ZNF786: variants seen among roughly 807,000 people sequenced by gnomAD.
ZNF786 encodes the protein zinc finger protein 786.
Under a neutral mutation model 63.1 loss-of-function variants are expected in ZNF786, and 56 were observed. The observed-to-expected ratio is 0.89, with a 90% CI of 0.72 to 1.11. The LOEUF is 1.11. ZNF786 is among the 50% of genes least tolerant of loss of function. The probability of loss-of-function intolerance (pLI) is 0.00; values close to 1 mark genes in which losing one functional copy is unlikely to be tolerated. For missense variants in ZNF786, 1,213 were observed against 1,041.8 expected, an observed-to-expected ratio of 1.16 and a Z score of -2.26; for synonymous variants, 485 against 406.9, an observed-to-expected ratio of 1.19 and a Z score of -2.31.
chr7:149,077,602 T>A (rs1264393883), intron 2 of ZNF786, among the ~76,000 whole-genome samples: 4 of 152,062 alleles, frequency 2.6e-5, no homozygotes, highest in African/African-American at 9.7e-5. Flanking sequence ...CACTCCAGCC[T>A]GGGCGACAGA....
At chr7:149,083,715 A>G (rs1031363381) in intron 1 of ZNF786, among the ~76,000 whole-genome samples, 2 of 152,196 alleles carry the variant, frequency 1.3e-5, no homozygotes, top group Admixed American at 1.3e-4. Flanking sequence ...AGTAGGCCCC[A>G]ATGTCTGTTA....
chr7:149,087,656 G>A (rs1825759274), intron 1 of ZNF786, among the ~76,000 whole-genome samples: 2 of 152,142 alleles, frequency 1.3e-5, no homozygotes, highest in Non-Finnish European at 1.5e-5. Flanking sequence ...CCTGTGTTAT[G>A]AGCCCTACCC....
At chr7:149,073,562 G>C (rs1208719457) in intron 3 of ZNF786, among the ~76,000 whole-genome samples, 5 of 151,560 alleles carry the variant, frequency 3.3e-5, no homozygotes, top group African/African-American at 1.2e-4. Flanking sequence ...AAGATCCTGT[G>C]TCTTAAAAAC....
At position 149,070,453 on chromosome 7, in the gene ZNF786, C is replaced by T. The variant is rs763684067; in HGVS notation, c.2319G>A (p.Leu773=). The T allele has an allele frequency of 9.9e-6, 16 of 1,613,890 alleles. No individual in the cohort carries two copies. The highest frequency in any genetic ancestry group is 1.2e-5 in the Non-Finnish European group (14 of 1,179,780). ...TCCAATCGGCCTCTATCATTGCAAA[C>T]AGTTGGCTGAGCCTTTTCTTAATGT... The part of the protein sequence containing the change: ...ELDIKKRLSQ[L]FAMIEADWS The change falls in exon 4 of 4, where the codon CTG becomes CTA. Residue 773 remains leucine, a synonymous_variant. Transcript: ENST00000491431.
rs760364447 is a variant in ZNF786 at position 149,071,830 on chromosome 7, G to A, written c.942C>T (p.Arg314=). 2 of 1,591,826 alleles carry A rather than the reference G, an allele frequency of 1.3e-6. No homozygotes were observed. The highest frequency in any genetic ancestry group is 2.2e-5 in the South Asian group (2 of 90,356). ...GCCCCTCCCGGCTGTGCTGGCACCG[G>A]CGAGCCTGCGTGCTGTCCACTGGGA... is the stretch of plus-strand genomic sequence containing the variant. The part of the protein sequence containing the change: ...RSLPVDSTQA[R]RCQHSREGPA... The change falls in exon 4 of 4, where the codon CGC becomes CGT. Residue 314 remains arginine, a synonymous_variant. Transcript: ENST00000491431.
chr7:149,076,701 A>G (rs1197497206), intron 2 of ZNF786, among the ~76,000 whole-genome samples: 1 of 141,516 alleles, frequency 7.1e-6, no homozygotes, highest in Non-Finnish European at 1.5e-5. Flanking sequence ...CCTGGGCAAG[A>G]GAGAGAGACT....
At chr7:149,089,829 T>G (rs1234732173) in intron 1 of ZNF786, among the ~76,000 whole-genome samples, 1 of 152,084 alleles carries the variant, frequency 6.6e-6, no homozygotes, top group Non-Finnish European at 1.5e-5. Context: ...TTCTCCTGCC[T>G]GAGCCTCCCG....
intron 2 of ZNF786, 88 bp from the exon 3 acceptor site, chr7:149,074,626 C>T: frequency 8.2e-7 from 1 of 1,216,218 alleles, no homozygotes; most frequent in Non-Finnish European, 1.1e-6. Flanking sequence ...ACTCCTGGGA[C>T]AAAGTATGAG....
In ZNF786 at chr7:149,074,540, T is replaced by G. The variant is rs577381183; in HGVS notation, c.146-2A>C. ...GTTCTGGTTTTGGAAGTCCATCATC[T>G]GCACAGAGAAGTCAGACAGGGTAGT... On this transcript the variant is annotated splice_acceptor_variant, in intron 2 of 3. Transcript: ENST00000491431. LOFTEE classifies it high-confidence loss of function. 5.0e-6 allele frequency: 8 copies of G among 1,612,552 alleles called. No homozygotes were observed. The African/African-American group carries it at 1.1e-4, about 22-fold the overall frequency.
rs943914973 is a variant in ZNF786 at position 149,072,037 on chromosome 7, G to T, written c.735C>A (p.Cys245Ter). 1.9e-6 allele frequency: 3 copies of T among 1,612,820 alleles called. No individual in the cohort carries two copies. Among genetic ancestry groups the T allele is most frequent in the East Asian group, 2.2e-5 (1 of 44,874 alleles). The change falls in exon 4 of 4, where the codon TGC (cysteine) becomes TGA (stop). Residue 245 changes from cysteine to a stop codon, truncating the protein, a stop_gained. Transcript: ENST00000491431. LOFTEE classifies it high-confidence loss of function. ...RVQRHFRCGV[C>*]GKSFRRKLCL... is the part of the protein sequence containing the mutation. ...ACAGCTTCCGGCGGAAGCTCTTACC[G>T]CACACGCCACACCGGAAGTGCCTCT...
intron 1 of ZNF786, 24 bp downstream of exon 1, chr7:149,090,599 G>C: frequency 1.3e-6 from 2 of 1,568,468 alleles, no homozygotes; most frequent in African/African-American, 2.7e-5. Flanking sequence ...GAAACCGGGC[G>C]TCCAAACAGG....
intron 1 of ZNF786, among the ~76,000 whole-genome samples, chr7:149,087,515 A>C (rs922255647): frequency 1.3e-5 from 2 of 152,230 alleles, no homozygotes; most frequent in Non-Finnish European, 2.9e-5. Context: ...CCTGCAAAAC[A>C]GAAAATTATC....
At chr7:149,081,119 G>A (rs950480169) in intron 1 of ZNF786, 2 of 456,944 alleles carry the variant, frequency 4.4e-6, no homozygotes, top group Non-Finnish European at 8.8e-6. Flanking sequence ...CCACTGATGG[G>A]ACATATAGTT....
Position 149,090,702 on chromosome 7 carries a change from C to G in ZNF786, c.-62G>C. On this transcript the variant is annotated 5_prime_UTR_variant, in exon 1 of 4. Coordinates refer to ENST00000491431, the MANE Select transcript of ZNF786 (RefSeq NM_152411.4). ...CCGTCTCCGGCGGCTCCGCAGGAAC[C>G]TGCCCTGCTGCGCACTGACTCCCCT... The G allele has an allele frequency of 2.0e-6, 3 of 1,531,388 alleles. No individual in the cohort carries two copies. Among genetic ancestry groups the G allele is most frequent in the South Asian group, 1.2e-5 (1 of 82,264 alleles). The allele number at this position is 1,531,388 out of a possible 1,614,324, so 94.9% of individuals were successfully genotyped here.
Position 149,072,005 on chromosome 7 carries a change from A to C in ZNF786, c.767T>G (p.Leu256Arg). The C allele has an allele frequency of 6.2e-7, 1 of 1,612,958 alleles. No homozygotes were observed. The highest frequency in any genetic ancestry group is 8.5e-7 in the Non-Finnish European group (1 of 1,179,840). Residue 256 changes from leucine to arginine, a missense_variant, in exon 4 of 4, where the codon CTG (leucine) becomes CGG (arginine). Physicochemically the swap from Leu to Arg is moderately radical, Grantham distance 102 (BLOSUM62 -2). Transcript: ENST00000491431. Reference sequence around the variant, plus strand: ...CCCCGTGTGGGCCGCCAGATGGCGCAGCAGACACAGCTTCCGGCGGAAGCT... The same window carrying C: ...CCCCGTGTGGGCCGCCAGATGGCGCCGCAGACACAGCTTCCGGCGGAAGCT... Reference protein sequence around the residue: ...GKSFRRKLCLLRHLAAHTGRG... With the variant: ...GKSFRRKLCLRRHLAAHTGRG...
At position 149,072,249 on chromosome 7, in the gene ZNF786, C is replaced by A; in HGVS notation, c.523G>T (p.Gly175Cys). ...TCCCAGGCGGGGACGTCCCACAAAC[C>A]AGGAAGATCCAGATTTCTGGGACCT... ...IPGPRNLDLP[G>C]LWDVPAWEST... The change falls in exon 4 of 4, where the codon GGT becomes TGT. Residue 175 changes from glycine (G) to cysteine (C), a missense_variant. Coordinates refer to ENST00000491431, the MANE Select transcript of ZNF786 (RefSeq NM_152411.4). 6.2e-7 allele frequency: 1 copy of A among 1,613,468 alleles called. No individual in the cohort carries two copies. Among genetic ancestry groups the A allele is most frequent in the Non-Finnish European group, 8.5e-7 (1 of 1,179,748 alleles).
At chr7:149,082,585 ATTTTTT>A (rs66753454) in intron 1 of ZNF786, 15 of 585,890 alleles carry the variant, frequency 2.6e-5, no homozygotes, top group Non-Finnish European at 3.0e-5. Flanking sequence ...TCCAACTTAA[ATTTTTT>A]TTTTTTTTGA....
At chr7:149,073,739 GTGTGTGTGTATATATA>G (rs1825481487) in intron 3 of ZNF786, among the ~76,000 whole-genome samples, 1 of 68,972 alleles carries the variant, frequency 1.4e-5, no homozygotes, top group Non-Finnish European at 2.7e-5. Flanking sequence ...GTGTGTGTGT[GTGTGTGTGTATATATA>G]TATATATATA....
Position 149,071,981 on chromosome 7 carries a change from C to T in ZNF786, c.791G>A (p.Gly264Glu), listed in dbSNP as rs1157691678. Residue 264 changes from glycine to glutamate, a missense_variant, in exon 4 of 4, where the codon GGG becomes GAG. Transcript: ENST00000491431. ...GTCAGCGTTCCGGAAGGGGCCCCTCCCCGTGTGGGCCGCCAGATGGCGCAG... is the reference window on the plus strand; with the variant it reads ...GTCAGCGTTCCGGAAGGGGCCCCTCTCCGTGTGGGCCGCCAGATGGCGCAG... ...CLLRHLAAHT[G>E]RGPFRNADGE... The T allele has an allele frequency of 6.2e-7, 1 of 1,612,668 alleles. No individual in the cohort carries two copies. Among genetic ancestry groups the T allele is most frequent in the Middle Eastern group, 1.6e-4 (1 of 6,062 alleles).
Sources: allele counts gnomAD v4.1 joint callset (sites outside exome capture counted in the v4.1 genomes callset), GRCh38; gene constraint gnomAD v4.1.1; transcripts MANE v1.5; gene names NCBI Gene and HGNC (gene_info 2026-07-23, HGNC 2026-07-21).